ZDHHC15: variants seen among roughly 807,000 people sequenced by gnomAD.
ZDHHC15 encodes zDHHC palmitoyltransferase 15, also known as palmitoyltransferase ZDHHC15.
In ZDHHC15, 19 loss-of-function variants were observed where a neutral mutation model predicts 31.7. That is an observed-to-expected ratio of 0.60 (90% confidence interval 0.42 to 0.88). The LOEUF is 0.88. Among genes scored for constraint, ZDHHC15 ranks in the 40% least tolerant of loss-of-function variants. The probability of loss-of-function intolerance (pLI) is 0.00; values close to 1 mark genes in which losing one functional copy is unlikely to be tolerated. For missense variants in ZDHHC15, 209 were observed against 251.2 expected, an observed-to-expected ratio of 0.83 and a Z score of 1.14; for synonymous variants, 103 against 90.0, an observed-to-expected ratio of 1.14 and a Z score of -0.82.
At chrX:75,423,946 G>A (rs1452359058) in intron 8 of ZDHHC15, among the ~76,000 whole-genome samples, 1 of 111,078 alleles carries the variant, frequency 9.0e-6, no homozygotes, top group Non-Finnish European at 1.9e-5. Context: ...CACTCCTCAT[G>A]TACTGATTTG....
At chrX:75,464,735 G>A (rs2084375539) in intron 3 of ZDHHC15, among the ~76,000 whole-genome samples, 1 of 111,289 alleles carries the variant, frequency 9.0e-6, no homozygotes, top group African/African-American at 3.3e-5. Flanking sequence ...ATAGATGCAG[G>A]CCTGTGATAA....
chrX:75,480,029 A>G (rs2084664916), intron 2 of ZDHHC15, among the ~76,000 whole-genome samples: 1 of 111,388 alleles, frequency 9.0e-6, no homozygotes, highest in Non-Finnish European at 1.9e-5. Context: ...TAAGACTGCA[A>G]GACTGTGAGT....
chrX:75,389,309 C>A (rs184906798), intron 10 of ZDHHC15, among the ~76,000 whole-genome samples: 5 of 110,905 alleles, frequency 4.5e-5, no homozygotes, highest in Non-Finnish European at 3.8e-5. Context: ...CTGAGCAAAT[C>A]CTGGTGCTTT....
intron 2 of ZDHHC15, among the ~76,000 whole-genome samples, chrX:75,490,295 C>T (rs1325903258): frequency 9.0e-6 from 1 of 111,420 alleles, no homozygotes; most frequent in Non-Finnish European, 1.9e-5. Context: ...TTGTCAGATT[C>T]ACCAAAGTTG....
intron 4 of ZDHHC15, among the ~76,000 whole-genome samples, chrX:75,434,370 G>T (rs1044086433): frequency 9.0e-6 from 1 of 111,731 alleles, no homozygotes; most frequent in Non-Finnish European, 1.9e-5. Flanking sequence ...TGTTGGTGTT[G>T]CATTTGCCTT....
chrX:75,482,228 A>G (rs186748137), intron 2 of ZDHHC15, among the ~76,000 whole-genome samples: 186 of 111,393 alleles, frequency 1.7e-3, no homozygotes, highest in African/African-American at 5.8e-3. Context: ...CCATCATGCA[A>G]TATACCCAGC....
intron 3 of ZDHHC15, among the ~76,000 whole-genome samples, chrX:75,451,642 T>A (rs1313162452): frequency 8.9e-6 from 1 of 111,940 alleles, no homozygotes; most frequent in Non-Finnish European, 1.9e-5. Context: ...TTAAGTCTCA[T>A]CTCTATTACT....
At chrX:75,399,867 A>G (rs1272213264) in intron 10 of ZDHHC15, among the ~76,000 whole-genome samples, 2 of 111,553 alleles carry the variant, frequency 1.8e-5, no homozygotes, top group African/African-American at 6.5e-5. Context: ...CCAAAAATTC[A>G]TCACTAAAAT....
chrX:75,414,701 G>A (rs776795010), intron 10 of ZDHHC15, among the ~76,000 whole-genome samples: 1 of 103,712 alleles, frequency 9.6e-6, no homozygotes, highest in South Asian at 4.6e-4. Flanking sequence ...GCCTCCCAAA[G>A]TGCTGAGATT....
At chrX:75,449,198 C>A (rs72630742) in intron 4 of ZDHHC15, among the ~76,000 whole-genome samples, 123 of 9,193 alleles carry the variant, frequency 0.013, 1 homozygote, top group East Asian at 0.044. Context: ...CTCTCTCTCT[C>A]TATACACACA....
rs191165461 is a variant in ZDHHC15 at position 75,381,061 on chromosome X, A to C, written c.968-1863T>G. 4.9e-4 allele frequency among the ~76,000 whole-genome samples: 55 copies of C among 111,410 alleles called. 1 individual carries two copies. The East Asian group carries it at 0.015, about 31-fold the overall frequency. ...CTGGGAAAACTTAGGTTGAGTCACCACTGCTTTATGACTTTATATAAGTCG... is the reference window on the plus strand; with the variant it reads ...CTGGGAAAACTTAGGTTGAGTCACCCCTGCTTTATGACTTTATATAAGTCG... On this transcript the variant is annotated intron_variant, in intron 10 of 11. Transcript: ENST00000373367.
At chrX:75,417,274 G>A (rs2083559502) in intron 9 of ZDHHC15, 84 bp from the exon 10 acceptor site, 2 of 629,559 alleles carry the variant, frequency 3.2e-6, no homozygotes, top group Non-Finnish European at 4.9e-6. Flanking sequence ...ACAAGAGGGG[G>A]GTTCTTAGCC....
intron 4 of ZDHHC15, among the ~76,000 whole-genome samples, chrX:75,442,752 C>T (rs1305371720): frequency 2.7e-5 from 3 of 109,600 alleles, no homozygotes; most frequent in East Asian, 2.9e-4. Flanking sequence ...TTTGGGAGGC[C>T]GAGGCGGGTG....
intron 4 of ZDHHC15, among the ~76,000 whole-genome samples, chrX:75,441,778 T>C (rs775239082): frequency 9.1e-6 from 1 of 109,797 alleles, no homozygotes; most frequent in Non-Finnish European, 1.9e-5. Flanking sequence ...CACCCGCCAC[T>C]GCGCACGGCT....
intron 3 of ZDHHC15, among the ~76,000 whole-genome samples, chrX:75,463,268 C>A (rs1034301342): frequency 9.0e-6 from 1 of 110,856 alleles, no homozygotes; most frequent in Non-Finnish European, 1.9e-5. Context: ...AATAAACAGC[C>A]TACCAATCAA....
chrX:75,421,779 C>T, intron 9 of ZDHHC15, 85 bp downstream of exon 9: 1 of 1,048,863 alleles, frequency 9.5e-7, no homozygotes. Context: ...GGACTGATAC[C>T]TGCTGCATAC....
chrX:75,395,602 A>C (rs1014277208), intron 10 of ZDHHC15, among the ~76,000 whole-genome samples: 1 of 112,079 alleles, frequency 8.9e-6, no homozygotes, highest in South Asian at 3.7e-4. Flanking sequence ...AGATTGTTAA[A>C]ATGTCCATAC....
chrX:75,514,568 T>G (rs1223784344), intron 1 of ZDHHC15, among the ~76,000 whole-genome samples: 1 of 111,594 alleles, frequency 9.0e-6, no homozygotes, highest in African/African-American at 3.3e-5. Flanking sequence ...CCATGGAGTG[T>G]GAGCCGAAGC....
At chrX:75,480,403 C>T (rs1027505116) in intron 2 of ZDHHC15, among the ~76,000 whole-genome samples, 1 of 111,284 alleles carries the variant, frequency 9.0e-6, no homozygotes, top group African/African-American at 3.3e-5. Flanking sequence ...AACATATGTA[C>T]ACCACAAACA....
Sources: gnomAD v4.1 joint callset for allele counts (sites outside exome capture counted in the v4.1 genomes callset) on GRCh38, gnomAD v4.1.1 for gene constraint, MANE v1.5 for transcripts, NCBI Gene and HGNC (gene_info 2026-07-23, HGNC 2026-07-21) for gene names.